The following CSMD2 variants were observed in gnomAD, a reference collection of about 807,000 sequenced individuals.
CSMD2 encodes the protein CUB and sushi domain-containing protein 2.
Under a neutral mutation model 398.5 loss-of-function variants are expected in CSMD2, and 130 were observed. The ratio of observed to expected loss-of-function variants is 0.33; its 90% CI spans 0.28 to 0.38. CSMD2 has a LOEUF of 0.38. CSMD2 is among the 10% of genes least tolerant of loss of function. The pLI is 1.00. For missense variants in CSMD2, 3,829 were observed against 4,764.9 expected, an observed-to-expected ratio of 0.80 and a Z score of 5.78; for synonymous variants, 1,828 against 1,908.5, an observed-to-expected ratio of 0.96 and a Z score of 1.10.
chr1:33,923,732 C>T (rs150582577), intron 4 of CSMD2, among the ~76,000 whole-genome samples: 2 of 152,210 alleles, frequency 1.3e-5, no homozygotes, highest in East Asian at 3.9e-4. Context: ...AGAATTTATT[C>T]GTCCTTCTAC....
chr1:33,828,645 T>C (rs1289004425), intron 6 of CSMD2, among the ~76,000 whole-genome samples: 1 of 152,166 alleles, frequency 6.6e-6, no homozygotes, highest in East Asian at 1.9e-4. Context: ...TGTGTGGCCA[T>C]GAGGGGAGGC....
chr1:33,771,657 C>T (rs1426431214), intron 13 of CSMD2, among the ~76,000 whole-genome samples: 2 of 152,112 alleles, frequency 1.3e-5, no homozygotes, highest in East Asian at 3.9e-4. Flanking sequence ...CCAGGCTATT[C>T]CTCTCCCAGC....
rs1244565973 is a variant in CSMD2, at chr1:33,557,853, C to T, written c.8624G>A (p.Arg2875Lys). Residue 2875 changes from arginine (R) to lysine (K), a missense_variant, in exon 55 of 71, where the codon AGG becomes AAG. Coordinates refer to ENST00000373381, the MANE Select transcript of CSMD2 (RefSeq NM_001281956.2). Reference protein sequence around the residue: ...VRQVHASGPHRFSFGTTVSYR... With the variant: ...VRQVHASGPHKFSFGTTVSYR... ...AGACACAGTGGTGCCGAAGCTGAAC[C>T]TGTGCGGGCCGCTGGCGTGGACCTG... 21 of 1,535,988 alleles carry T rather than the reference C, an allele frequency of 1.4e-5. No homozygotes were observed. Among genetic ancestry groups the T allele is most frequent in the South Asian group, 5.9e-5 (5 of 84,052 alleles).
intron 27 of CSMD2, among the ~76,000 whole-genome samples, chr1:33,653,450 G>A (rs993524281): frequency 9.2e-5 from 14 of 152,162 alleles, no homozygotes; most frequent in African/African-American, 1.4e-4. Context: ...ATCTGCTCGC[G>A]GCTGCAGATA....
chr1:33,954,738 A>G (rs929222653), intron 3 of CSMD2, among the ~76,000 whole-genome samples: 2 of 152,204 alleles, frequency 1.3e-5, no homozygotes, highest in Non-Finnish European at 2.9e-5. Flanking sequence ...GATTCCACTT[A>G]TATGAGACAC....
At chr1:34,050,206 G>C (rs1004337571) in intron 2 of CSMD2, among the ~76,000 whole-genome samples, 1 of 152,200 alleles carries the variant, frequency 6.6e-6, no homozygotes, top group African/African-American at 2.4e-5. Flanking sequence ...ACCCTTCCCT[G>C]GCATGATAAG....
At chr1:33,536,540 A>G (rs534258280) in intron 62 of CSMD2, among the ~76,000 whole-genome samples, 2 of 152,064 alleles carry the variant, frequency 1.3e-5, no homozygotes, top group African/African-American at 2.4e-5. Context: ...TCTCTGTTCA[A>G]TGTGTCACAA....
In CSMD2 at chr1:33,713,700, G is replaced by A. The variant is rs569370857; in HGVS notation, c.3406+887C>T. ...CTCCACATCTCCTGTTCTCCCTGCC[G>A]CTTGCTCCAGCTTGGCCTCTGAGCT... On this transcript the variant is annotated intron_variant, in intron 21 of 70. Coordinates refer to ENST00000373381, the MANE Select transcript of CSMD2 (RefSeq NM_001281956.2). 1.1e-4 allele frequency among the ~76,000 whole-genome samples: 16 copies of A among 152,140 alleles called. No homozygotes were observed. The South Asian group carries it at 3.3e-3, about 32-fold the overall frequency.
intron 25 of CSMD2, among the ~76,000 whole-genome samples, chr1:33,677,669 G>T (rs1227026845): frequency 1.3e-5 from 2 of 151,998 alleles, no homozygotes; most frequent in Non-Finnish European, 2.9e-5. Context: ...GTATGTTTAT[G>T]GCGGCACTAT....
rs763851371 is a variant in CSMD2 at position 33,616,860 on chromosome 1, G to A, written c.6016+46C>T. ...GATACACTACTGAGCTAAGATCCCT[G>A]AGAGAAAATTGGTTGGAATGAATTG... On this transcript the variant is annotated intron_variant, in intron 39 of 70. Coordinates refer to ENST00000373381, the MANE Select transcript of CSMD2 (RefSeq NM_001281956.2). 1.0e-5 allele frequency: 15 copies of A among 1,486,128 alleles called. No individual in the cohort carries two copies. In the Admixed American group the frequency reaches 1.2e-4, roughly 12 times the overall value. The allele number at this position is 1,486,128 out of a possible 1,614,324, so 92.1% of individuals were successfully genotyped here. A position where few individuals can be genotyped will look rare whatever the true frequency, so the allele number is the denominator to read the frequency against.
chr1:34,128,378 T>C (rs943253531), intron 1 of CSMD2, among the ~76,000 whole-genome samples: 1 of 152,198 alleles, frequency 6.6e-6, no homozygotes, highest in Admixed American at 6.5e-5. Flanking sequence ...TCAAAGACTG[T>C]ACCCGCAGGA....
chr1:33,801,373 C>G (rs546485083), intron 10 of CSMD2, among the ~76,000 whole-genome samples: 8 of 152,252 alleles, frequency 5.3e-5, no homozygotes, highest in Admixed American at 6.5e-5. Flanking sequence ...CAAGGCAGGT[C>G]TGGGTTTCAG....
intron 13 of CSMD2, among the ~76,000 whole-genome samples, chr1:33,762,997 A>G (rs919102292): frequency 1.3e-5 from 2 of 152,156 alleles, no homozygotes; most frequent in Admixed American, 1.3e-4. Flanking sequence ...TCAACATCCC[A>G]CGGACCCTGG....
chr1:34,036,442 T>G (rs1196584063), intron 2 of CSMD2, among the ~76,000 whole-genome samples: 1 of 152,198 alleles, frequency 6.6e-6, no homozygotes, highest in African/African-American at 2.4e-5. Context: ...TGTGATTCAA[T>G]TTATATAACA....
chr1:34,158,579 G>C (rs1641021461), intron 1 of CSMD2, among the ~76,000 whole-genome samples: 1 of 152,206 alleles, frequency 6.6e-6, no homozygotes, highest in Non-Finnish European at 1.5e-5. Context: ...TCCCCCCACT[G>C]GGTATAGTGG....
Position 34,095,905 on chromosome 1 carries a change from T to C in CSMD2, c.188-6712A>G, listed in dbSNP as rs1420592248. ...AAAAGAAGGAATCCTCCCTAACTCA[T>C]TTTATGAGGCCAGCATCATTCTGAT... On this transcript the variant is annotated intron_variant, in intron 1 of 70. Coordinates refer to ENST00000373381, the MANE Select transcript of CSMD2 (RefSeq NM_001281956.2). Among the ~76,000 whole-genome samples the C allele has an allele frequency of 5.9e-5, 9 of 152,184 alleles. No homozygotes were observed. In the South Asian group the frequency reaches 6.2e-4, roughly 11 times the overall value.
chr1:33,725,450 G>A lies in CSMD2; in HGVS notation c.2594C>T (p.Thr865Ile). 1 of 1,614,178 alleles carries A rather than the reference G, an allele frequency of 6.2e-7. No homozygotes were observed. The highest frequency in any genetic ancestry group is 1.7e-5 in the Admixed American group (1 of 60,030). Residue 865 changes from threonine to isoleucine, a missense_variant, in exon 17 of 71, where the codon ACC (threonine) becomes ATC (isoleucine). By Grantham distance (89) the Thr-to-Ile change is moderately conservative (BLOSUM62 -1). Around this residue, in one of 5 missense-constraint regions of CSMD2, gnomAD observed 2,001 missense variants for 2,567.1 expected, o/e 0.78. Coordinates refer to ENST00000373381, the MANE Select transcript of CSMD2 (RefSeq NM_001281956.2). ...SAPLIGVYHG[T>I]QVPQFLISTS... Reference sequence around the variant, plus strand: ...GCTGATGAGGAACTGGGGAACCTGGGTCCCGTGGTAAACCCCGATCAAGGG... The same window carrying A: ...GCTGATGAGGAACTGGGGAACCTGGATCCCGTGGTAAACCCCGATCAAGGG...
chr1:33,640,822 T>C (rs1022089117), intron 29 of CSMD2, among the ~76,000 whole-genome samples: 50 of 152,236 alleles, frequency 3.3e-4, no homozygotes, highest in African/African-American at 1.2e-3. Context: ...TAGTTCTAAT[T>C]TGCATTTAAG....
intron 1 of CSMD2, among the ~76,000 whole-genome samples, chr1:34,103,154 C>T (rs1209303686): frequency 1.3e-5 from 2 of 152,102 alleles, no homozygotes; most frequent in Non-Finnish European, 2.9e-5. Context: ...TCCAGAAAGC[C>T]TTCTGGGAAC....
Sources: allele counts gnomAD v4.1 joint callset (sites outside exome capture counted in the v4.1 genomes callset), GRCh38; gene constraint gnomAD v4.1.1; regional missense constraint gnomAD v4.1.1; transcripts MANE v1.5; gene names NCBI Gene and HGNC (gene_info 2026-07-23, HGNC 2026-07-21).